Variants in CDK6 observed in about 807,000 individuals in gnomAD.
CDK6 encodes cyclin dependent kinase 6.
In CDK6, 6 loss-of-function variants were observed where a neutral mutation model predicts 37.1. The ratio of observed to expected loss-of-function variants is 0.16; its 90% CI spans 0.09 to 0.32. CDK6 has a LOEUF of 0.32. CDK6 is among the 10% of genes least tolerant of loss of function. The pLI is 1.00. For synonymous variants in CDK6, 160 were observed against 161.3 expected (o/e 0.99, Z 0.06); for missense variants, 224 against 418.9 (o/e 0.53, Z 4.06).
At chr7:92,654,417 A>G (rs575350619) in intron 5 of CDK6, among the ~76,000 whole-genome samples, 1 of 152,088 alleles carries the variant, frequency 6.6e-6, no homozygotes, top group Non-Finnish European at 1.5e-5. Flanking sequence ...AAGAGGAGCA[A>G]TCTAACCAGA....
chr7:92,747,727 CCTTATGTGGTGG>C (rs1172841687), intron 3 of CDK6, among the ~76,000 whole-genome samples: 2 of 152,124 alleles, frequency 1.3e-5, no homozygotes, highest in Non-Finnish European at 2.9e-5. Context: ...TCATAAACTG[CCTTATGTGGTGG>C]CTATTTCTCT....
At chr7:92,714,288 AG>A (rs1798169331) in intron 4 of CDK6, among the ~76,000 whole-genome samples, 1 of 152,210 alleles carries the variant, frequency 6.6e-6, no homozygotes, top group Admixed American at 6.5e-5. Flanking sequence ...CTAAGCAGAG[AG>A]AATGTTTAGT....
chr7:92,728,606 A>G (rs929055728), intron 3 of CDK6, among the ~76,000 whole-genome samples: 1 of 152,180 alleles, frequency 6.6e-6, no homozygotes, highest in Non-Finnish European at 1.5e-5. Flanking sequence ...AAGGTAGAGT[A>G]GATTAAAAGG....
Position 92,606,296 on chromosome 7 carries a change from T to C in CDK6, c.*8844A>G, listed in dbSNP as rs1414261088. ...ACAAAGATGCTAGAGGCATTTCTAA[T>C]GGGTGCCATGAGCACAGTCTGTGCC... On this transcript the variant is annotated 3_prime_UTR_variant, in exon 8 of 8. Coordinates refer to ENST00000424848, the MANE Select transcript of CDK6 (RefSeq NM_001145306.2). 4.3e-6 allele frequency: 1 copy of C among 233,248 alleles called. No individual in the cohort carries two copies. The highest frequency in any genetic ancestry group is 2.2e-5 in the African/African-American group (1 of 45,358). 14.4% of individuals were successfully genotyped at this position (233,248 alleles called of 1,614,324 possible). A position where few individuals can be genotyped will look rare whatever the true frequency, so the allele number is the denominator to read the frequency against.
chr7:92,807,562 T>C (rs147634919), intron 2 of CDK6, among the ~76,000 whole-genome samples: 5 of 151,878 alleles, frequency 3.3e-5, no homozygotes, highest in African/African-American at 9.6e-5. Context: ...TCAATATATA[T>C]AATAGGTATA....
intron 3 of CDK6, among the ~76,000 whole-genome samples, chr7:92,752,006 T>TA (rs1799201158): frequency 6.6e-6 from 1 of 152,210 alleles, no homozygotes; most frequent in African/African-American, 2.4e-5. Context: ...AATTCTACTA[T>TA]GGTGACTTAG....
At chr7:92,740,206 A>C (rs1215017848) in intron 3 of CDK6, among the ~76,000 whole-genome samples, 1 of 152,190 alleles carries the variant, frequency 6.6e-6, no homozygotes, top group East Asian at 1.9e-4. Flanking sequence ...CTGTTCCTAC[A>C]TCCCTGTTAC....
intron 2 of CDK6, among the ~76,000 whole-genome samples, chr7:92,803,150 G>A (rs1209347982): frequency 6.6e-6 from 1 of 152,042 alleles, no homozygotes; most frequent in Non-Finnish European, 1.5e-5. Context: ...TAAAGAAATA[G>A]GCTATCTTGC....
intron 3 of CDK6, among the ~76,000 whole-genome samples, chr7:92,765,961 T>C (rs1468014365): frequency 2.6e-5 from 4 of 151,910 alleles, no homozygotes; most frequent in Non-Finnish European, 5.9e-5. Flanking sequence ...CACGGACAAA[T>C]GCCGAGCTAG....
chr7:92,739,311 C>T (rs935219000), intron 3 of CDK6, among the ~76,000 whole-genome samples: 4 of 152,220 alleles, frequency 2.6e-5, no homozygotes, highest in Non-Finnish European at 4.4e-5. Context: ...GGCTGCTCTC[C>T]CAAGCTCCAG....
At chr7:92,777,388 AGGCAT>A (rs1458769528) in intron 2 of CDK6, among the ~76,000 whole-genome samples, 1 of 152,216 alleles carries the variant, frequency 6.6e-6, no homozygotes. Flanking sequence ...CTGGGATTAC[AGGCAT>A]GGGCCACCAC....
At position 92,834,454 on chromosome 7, in the gene CDK6, G is replaced by C. The variant is rs1168492245; in HGVS notation, c.-367-764C>G. ...CCTTGGGAAGACCAGCCATCTGGTC[G>C]GGGAGGGTTGGGGCTTATCGGGGGT... On this transcript the variant is annotated intron_variant, in intron 1 of 7. Coordinates refer to ENST00000424848, the MANE Select transcript of CDK6 (RefSeq NM_001145306.2). The surrounding 1 kb of genome is among the most constrained non-coding windows in gnomAD (Gnocchi z 4.6). Among the ~76,000 whole-genome samples the C allele has an allele frequency of 6.6e-6, 1 of 151,696 alleles. No individual in the cohort carries two copies. Among genetic ancestry groups the C allele is most frequent in the African/African-American group, 2.4e-5 (1 of 41,274 alleles).
chr7:92,785,490 T>G lies in CDK6; in HGVS notation c.234-10659A>C, dbSNP rs555095655. Reference sequence around the variant, plus strand: ...TCATGGTGATAGCTGTGCAACTCAGTAAGTATACTGACCTGAAGTCTTACA... The same window carrying G: ...TCATGGTGATAGCTGTGCAACTCAGGAAGTATACTGACCTGAAGTCTTACA... On this transcript the variant is annotated intron_variant, in intron 2 of 7. Transcript: ENST00000424848. 1.1e-4 allele frequency among the ~76,000 whole-genome samples: 17 copies of G among 152,316 alleles called. No individual in the cohort carries two copies. In the South Asian group the frequency reaches 3.5e-3, roughly 32 times the overall value.
chr7:92,736,727 T>C (rs1433983815), intron 3 of CDK6, among the ~76,000 whole-genome samples: 1 of 152,286 alleles, frequency 6.6e-6, no homozygotes, highest in East Asian at 1.9e-4. Context: ...TTATATTCAG[T>C]GGGTAAGTAG....
chr7:92,786,878 T>C (rs985180887), intron 2 of CDK6, among the ~76,000 whole-genome samples: 4 of 151,860 alleles, frequency 2.6e-5, no homozygotes, highest in African/African-American at 9.7e-5. Context: ...GTAAACATAA[T>C]GGTAGAAAGA....
chr7:92,625,865 G>A (rs1489502167), intron 5 of CDK6, among the ~76,000 whole-genome samples: 1 of 152,036 alleles, frequency 6.6e-6, no homozygotes, highest in African/African-American at 2.4e-5. Context: ...AAAAGACAAG[G>A]AAGTCATGGG....
At chr7:92,751,629 C>G (rs1222280489) in intron 3 of CDK6, among the ~76,000 whole-genome samples, 1 of 152,158 alleles carries the variant, frequency 6.6e-6, no homozygotes, top group Admixed American at 6.5e-5. Context: ...GTAAAGCACA[C>G]AGTATGTATT....
At chr7:92,702,056 CAT>C (rs1797860605) in intron 4 of CDK6, among the ~76,000 whole-genome samples, 1 of 152,038 alleles carries the variant, frequency 6.6e-6, no homozygotes, top group African/African-American at 2.4e-5. Context: ...TGTCACTTCA[CAT>C]GTGATCACTG....
intron 5 of CDK6, among the ~76,000 whole-genome samples, chr7:92,652,417 A>C (rs1440444470): frequency 6.6e-6 from 1 of 152,058 alleles, no homozygotes; most frequent in Non-Finnish European, 1.5e-5. Context: ...ATAGCCTTTC[A>C]TATATTTATT....
Sources: gnomAD v4.1 joint callset for allele counts (sites outside exome capture counted in the v4.1 genomes callset) on GRCh38, gnomAD v4.1.1 for gene constraint, Gnocchi (gnomAD v3.1) non-coding constraint, MANE v1.5 for transcripts, NCBI Gene and HGNC (gene_info 2026-07-23, HGNC 2026-07-21) for gene names.